Variants in DIAPH2 observed in about 807,000 individuals in gnomAD.
The protein encoded by DIAPH2 is diaphanous related formin 2, also known as protein diaphanous homolog 2.
A neutral mutation model predicts 92.7 loss-of-function variants in DIAPH2; 35 were observed. The observed-to-expected ratio is 0.38, with a 90% CI of 0.29 to 0.50. The LOEUF is 0.50. Ranked by LOEUF, DIAPH2 falls within the 20% of genes least tolerant of loss-of-function variation. The probability of loss-of-function intolerance (pLI) is 0.94; values close to 1 mark genes in which losing one functional copy is unlikely to be tolerated. For synonymous variants in DIAPH2, 301 were observed against 280.4 expected (o/e 1.07, Z -0.73); for missense variants, 701 against 819.5 (o/e 0.86, Z 1.77).
intron 4 of DIAPH2, among the ~76,000 whole-genome samples, chrX:96,841,036 ATCT>A (rs1463806934): frequency 1.8e-5 from 2 of 112,058 alleles, no homozygotes; most frequent in Non-Finnish European, 3.8e-5. Context: ...CATTGCCATT[ATCT>A]TCTTTAAATC....
intron 4 of DIAPH2, among the ~76,000 whole-genome samples, chrX:96,830,003 CTACCAAATA>C (rs1046143827): frequency 9.2e-6 from 1 of 108,581 alleles, no homozygotes; most frequent in Non-Finnish European, 1.9e-5. Context: ...GGAACTAGTT[CTACCAAATA>C]TATATATAAA....
intron 22 of DIAPH2, among the ~76,000 whole-genome samples, chrX:97,239,854 C>CTCTCTCTCTCTT (rs1299119401): frequency 9.2e-6 from 1 of 108,874 alleles, no homozygotes; most frequent in Non-Finnish European, 1.9e-5. Context: ...CTCTCTCTCT[C>CTCTCTCTCTCTT]TCTCTTTCTC....
At chrX:97,065,266 C>T (rs764301548) in intron 17 of DIAPH2, among the ~76,000 whole-genome samples, 18 of 111,582 alleles carry the variant, frequency 1.6e-4, no homozygotes, top group Non-Finnish European at 2.4e-4. Flanking sequence ...CCAGAGACAA[C>T]CAGTGGGTAA....
At chrX:97,140,269 G>A (rs767808914) in intron 21 of DIAPH2, among the ~76,000 whole-genome samples, 19 of 111,122 alleles carry the variant, frequency 1.7e-4, no homozygotes, top group Non-Finnish European at 3.4e-4. Flanking sequence ...ACATCACACA[G>A]TAATCCCAGG....
intron 9 of DIAPH2, among the ~76,000 whole-genome samples, chrX:96,920,760 T>C (rs902721364): frequency 8.9e-5 from 10 of 112,555 alleles, no homozygotes; most frequent in Non-Finnish European, 1.7e-4. Flanking sequence ...AAGTAACATA[T>C]GGAAGAATCA....
intron 1 of DIAPH2, among the ~76,000 whole-genome samples, chrX:96,714,084 T>A (rs1489061291): frequency 3.6e-5 from 4 of 110,926 alleles, no homozygotes; most frequent in African/African-American, 1.3e-4. Flanking sequence ...ATATCAAGGA[T>A]TTTTGCATAG....
intron 5 of DIAPH2, among the ~76,000 whole-genome samples, chrX:96,910,440 G>T (rs2065462388): frequency 9.0e-6 from 1 of 111,294 alleles, no homozygotes; most frequent in Non-Finnish European, 1.9e-5. Context: ...TTTCTTCAGT[G>T]GTGTGATGTC....
chrX:96,975,503 T>C (rs1447730357), intron 17 of DIAPH2, among the ~76,000 whole-genome samples: 2 of 111,978 alleles, frequency 1.8e-5, no homozygotes, highest in Admixed American at 9.5e-5. Flanking sequence ...TGGCACAACA[T>C]GCATCCTTCT....
intron 21 of DIAPH2, among the ~76,000 whole-genome samples, chrX:97,117,565 C>T (rs2067025198): frequency 9.0e-6 from 1 of 111,476 alleles, no homozygotes; most frequent in Admixed American, 9.5e-5. Context: ...AAAACTAATC[C>T]AGTGCTTTTA....
At chrX:97,277,914 C>T (rs755395401) in intron 23 of DIAPH2, among the ~76,000 whole-genome samples, 16 of 112,271 alleles carry the variant, frequency 1.4e-4, no homozygotes, top group Non-Finnish European at 1.9e-4. Context: ...GGCGCGATCT[C>T]GGCTCACTGT....
chrX:97,430,493 T>G (rs2070115482), intron 26 of DIAPH2, among the ~76,000 whole-genome samples: 1 of 112,546 alleles, frequency 8.9e-6, no homozygotes, highest in Admixed American at 9.4e-5. Context: ...GCTCATATCT[T>G]TCTTGAAGTA....
At chrX:97,436,483 G>A (rs147498331) in intron 26 of DIAPH2, among the ~76,000 whole-genome samples, 1 of 111,885 alleles carries the variant, frequency 8.9e-6, no homozygotes, top group African/African-American at 3.2e-5. Context: ...CAAGATAACA[G>A]TATAAATGAG....
At chrX:97,507,837 G>A (rs2070848351) in intron 26 of DIAPH2, among the ~76,000 whole-genome samples, 2 of 111,507 alleles carry the variant, frequency 1.8e-5, no homozygotes, top group African/African-American at 3.3e-5. Context: ...TGAAAGTGAT[G>A]ATAGAATACT....
rs183776096 is a variant in DIAPH2 at position 97,491,321 on chromosome X, A to T, written c.3241+61576A>T. Among the ~76,000 whole-genome samples, 303 of 112,091 alleles carry T rather than the reference A, an allele frequency of 2.7e-3. 1 individual carries two copies. The highest frequency in any genetic ancestry group is 9.6e-3 in the African/African-American group (297 of 30,920). On this transcript the variant is annotated intron_variant, in intron 26 of 26. Transcript: ENST00000324765. ...TCCTCAAAGCTAAGTGTTGTCTCTT[A>T]TAGGTAGCATATAATTAGATATTGT...
chrX:97,288,634 G>T (rs769410748), intron 23 of DIAPH2, among the ~76,000 whole-genome samples: 2 of 108,877 alleles, frequency 1.8e-5, no homozygotes, highest in Non-Finnish European at 3.8e-5. Context: ...TCAGCTACTT[G>T]GGAGGCTGAG....
chrX:97,319,466 G>T (rs973959471), intron 23 of DIAPH2, among the ~76,000 whole-genome samples: 1 of 107,605 alleles, frequency 9.3e-6, no homozygotes, highest in Non-Finnish European at 1.9e-5. Context: ...TCGGCTCACT[G>T]CAAGCTCCGC....
At chrX:97,190,501 A>G (rs776984162) in intron 22 of DIAPH2, among the ~76,000 whole-genome samples, 1 of 112,353 alleles carries the variant, frequency 8.9e-6, no homozygotes, top group African/African-American at 3.2e-5. Flanking sequence ...GAAGGATGAC[A>G]TAAGGGTCAG....
intron 26 of DIAPH2, among the ~76,000 whole-genome samples, chrX:97,494,107 A>T (rs1459956447): frequency 1.4e-5 from 1 of 73,574 alleles, no homozygotes; most frequent in African/African-American, 4.9e-5. Flanking sequence ...ATATATATAT[A>T]TTTATATATA....
chrX:97,237,790 C>T (rs2147535163), intron 22 of DIAPH2, among the ~76,000 whole-genome samples: 2 of 110,180 alleles, frequency 1.8e-5, no homozygotes, highest in Admixed American at 1.9e-4. Flanking sequence ...ACCTTGTTAG[C>T]CAGGATGGTC....
Sources: allele counts gnomAD v4.1 joint callset (sites outside exome capture counted in the v4.1 genomes callset), GRCh38; gene constraint gnomAD v4.1.1; transcripts MANE v1.5; gene names NCBI Gene and HGNC (gene_info 2026-07-23, HGNC 2026-07-21).